Variants in WHRN observed in about 807,000 individuals in gnomAD.
WHRN encodes CASK-interacting protein CIP98.
Under a neutral mutation model 68.3 loss-of-function variants are expected in WHRN, and 41 were observed. The observed-to-expected ratio is 0.60, with a 90% CI of 0.47 to 0.78. The LOEUF is 0.78. WHRN is among the 30% of genes least tolerant of loss of function. WHRN has a pLI of 0.00. For synonymous variants in WHRN, 560 were observed against 561.3 expected (o/e 1.00, Z 0.03); for missense variants, 1,243 against 1,244.7 (o/e 1.00, Z 0.02).
At chr9:114,463,320 T>TGC (rs1369339160) in intron 3 of WHRN, among the ~76,000 whole-genome samples, 1 of 152,234 alleles carries the variant, frequency 6.6e-6, no homozygotes, top group East Asian at 1.9e-4. Flanking sequence ...TCACTCATCC[T>TGC]GCTTCATCTC....
Position 114,459,811 on chromosome 9 carries a change from C to T in WHRN, c.963+6456G>A, listed in dbSNP as rs561370736. ...CATAAAATCAGCCATAATCACAAAA[C>T]GAAATACATTTAAAGGATCCTTATT... On this transcript the variant is annotated intron_variant, in intron 3 of 11. Coordinates refer to ENST00000362057, the MANE Select transcript of WHRN (RefSeq NM_015404.4). 6.6e-4 allele frequency among the ~76,000 whole-genome samples: 100 copies of T among 152,296 alleles called. No individual in the cohort carries two copies. In the South Asian group the frequency reaches 0.018, roughly 27 times the overall value.
chr9:114,446,397 AT>A (rs1235590454), intron 3 of WHRN, among the ~76,000 whole-genome samples: 1 of 152,132 alleles, frequency 6.6e-6, no homozygotes, highest in Non-Finnish European at 1.5e-5. Flanking sequence ...TTCAGGGGTG[AT>A]AAAAATGTTC....
chr9:114,484,068 T>G (rs936315615), intron 1 of WHRN, among the ~76,000 whole-genome samples: 1 of 152,218 alleles, frequency 6.6e-6, no homozygotes, highest in East Asian at 1.9e-4. Context: ...ATCCAGAGCC[T>G]GGGGGCTCTG....
At position 114,504,488 on chromosome 9, in the gene WHRN, A is replaced by G. The variant is rs751083422; in HGVS notation, c.314T>C (p.Leu105Pro). Reference protein sequence around the residue: ...RLVIPRSDQLLFDQYTAEGLY... With the variant: ...RLVIPRSDQLPFDQYTAEGLY... ...GCCCTCGGCCGTGTATTGGTCGAAG[A>G]GCAGCTGGTCGGAGCGCGGGATGAC... The change falls in exon 1 of 12, where the codon CTC becomes CCC. Residue 105 changes from leucine (L) to proline (P), a missense_variant. Transcript: ENST00000362057. The G allele has an allele frequency of 2.2e-5, 35 of 1,608,790 alleles. No individual in the cohort carries two copies. The East Asian group carries it at 6.9e-4, about 32-fold the overall frequency.
At chr9:114,482,311 G>A (rs542027692) in intron 1 of WHRN, among the ~76,000 whole-genome samples, 1 of 152,328 alleles carries the variant, frequency 6.6e-6, no homozygotes, top group African/African-American at 2.4e-5. Context: ...GCATTCTCCT[G>A]CACCCACATC....
At chr9:114,404,144 C>T (rs1449469309) in intron 9 of WHRN, 67 bp from the exon 10 acceptor site, 4 of 1,520,024 alleles carry the variant, frequency 2.6e-6, no homozygotes, top group African/African-American at 1.4e-5. Context: ...TGCCTGGAGG[C>T]AGTGACGGAG....
intron 7 of WHRN, 72 bp downstream of exon 7, chr9:114,423,242 G>C (rs1836475380): frequency 6.7e-7 from 1 of 1,501,730 alleles, no homozygotes; most frequent in Non-Finnish European, 9.3e-7. Flanking sequence ...AACTCAGGCT[G>C]GTCTCACTCC....
chr9:114,431,372 A>C (rs1250145354), intron 3 of WHRN, among the ~76,000 whole-genome samples: 1 of 152,200 alleles, frequency 6.6e-6, no homozygotes, highest in Admixed American at 6.5e-5. Flanking sequence ...CAGATACAGG[A>C]GACAGGTTCA....
chr9:114,424,160 C>T (rs1019224428), intron 6 of WHRN, among the ~76,000 whole-genome samples, 174 bp downstream of exon 6: 14 of 152,138 alleles, frequency 9.2e-5, no homozygotes, highest in Non-Finnish European at 1.9e-4. Flanking sequence ...ATGTCTGTTT[C>T]CCCCAGGAGT....
At chr9:114,436,635 C>T (rs1837879279) in intron 3 of WHRN, among the ~76,000 whole-genome samples, 1 of 152,110 alleles carries the variant, frequency 6.6e-6, no homozygotes, top group Admixed American at 6.5e-5. Flanking sequence ...TCGAGACCAG[C>T]CTGGCCAACA....
At chr9:114,447,598 A>C (rs1838937785) in intron 3 of WHRN, among the ~76,000 whole-genome samples, 1 of 152,118 alleles carries the variant, frequency 6.6e-6, no homozygotes, top group Non-Finnish European at 1.5e-5. Context: ...GCAAGACCCC[A>C]TGTGTTGTCC....
At chr9:114,421,499 C>T (rs1023866791) in intron 7 of WHRN, among the ~76,000 whole-genome samples, 1 of 152,242 alleles carries the variant, frequency 6.6e-6, no homozygotes, top group African/African-American at 2.4e-5. Flanking sequence ...GGGGCTCAAA[C>T]CTAGACCTCC....
At chr9:114,484,215 C>T (rs1161543904) in intron 1 of WHRN, among the ~76,000 whole-genome samples, 1 of 152,214 alleles carries the variant, frequency 6.6e-6, no homozygotes, top group African/African-American at 2.4e-5. Flanking sequence ...GGCTGCCCCT[C>T]CGAGGCCACG....
rs769053856 is a variant in WHRN, at chr9:114,424,293, T to C, written c.1416+41A>G. 58 of 1,608,552 alleles carry C rather than the reference T, an allele frequency of 3.6e-5. No homozygotes were observed. The Admixed American group carries it at 3.8e-4, about 11-fold the overall frequency. ...GGGGGCAGGGCAGGATGCAGAGCCC[T>C]GGAAATGCTGAAGCCAGTTGGGAGG... On this transcript the variant is annotated intron_variant, in intron 6 of 11. Transcript: ENST00000362057.
chr9:114,429,818 C>T (rs556795358), intron 3 of WHRN, among the ~76,000 whole-genome samples: 98 of 152,314 alleles, frequency 6.4e-4, no homozygotes, highest in African/African-American at 2.2e-3. Flanking sequence ...GTGCAGCTCT[C>T]CCAGGTACTC....
At chr9:114,424,142 C>T (rs953513010) in intron 6 of WHRN, among the ~76,000 whole-genome samples, 192 bp downstream of exon 6, 3 of 152,212 alleles carry the variant, frequency 2.0e-5, no homozygotes, top group South Asian at 2.1e-4. Context: ...AATCACAGGG[C>T]GCTTTAAATG....
At chr9:114,437,771 T>C (rs745373008) in intron 3 of WHRN, among the ~76,000 whole-genome samples, 1 of 152,210 alleles carries the variant, frequency 6.6e-6, no homozygotes, top group Non-Finnish European at 1.5e-5. Flanking sequence ...AACAGAGTCC[T>C]ATTGTTTAAG....
chr9:114,470,247 G>A (rs1031836201), intron 2 of WHRN, among the ~76,000 whole-genome samples: 6 of 152,144 alleles, frequency 3.9e-5, no homozygotes, highest in South Asian at 4.1e-4. Context: ...CCAGAAATAC[G>A]ACCAATGAGA....
At chr9:114,436,262 T>G (rs971700013) in intron 3 of WHRN, among the ~76,000 whole-genome samples, 3 of 152,102 alleles carry the variant, frequency 2.0e-5, no homozygotes, top group African/African-American at 7.2e-5. Flanking sequence ...TTTAGAGGGG[T>G]GATACTCTTC....
Sources: allele counts gnomAD v4.1 joint callset (sites outside exome capture counted in the v4.1 genomes callset), GRCh38; gene constraint gnomAD v4.1.1; transcripts MANE v1.5; gene names NCBI Gene and HGNC (gene_info 2026-07-23, HGNC 2026-07-21).